Variants in CAMK2A observed in about 807,000 individuals in gnomAD.
CAMK2A encodes the protein calcium/calmodulin dependent protein kinase II alpha.
In CAMK2A, 7 loss-of-function variants were observed where a neutral mutation model predicts 79.2. The ratio of observed to expected loss-of-function variants is 0.09; its 90% CI spans 0.05 to 0.17. The LOEUF is 0.17. Ranked by LOEUF, CAMK2A falls within the 10% of genes least tolerant of loss-of-function variation. The pLI is 1.00. For synonymous variants in CAMK2A, 242 were observed against 251.7 expected (o/e 0.96, Z 0.36); for missense variants, 214 against 646.4 (o/e 0.33, Z 7.25).
intron 15 of CAMK2A, among the ~76,000 whole-genome samples, chr5:150,235,044 C>A (rs1281021869): frequency 1.3e-5 from 2 of 152,206 alleles, no homozygotes; most frequent in African/African-American, 2.4e-5. Flanking sequence ...AGATACCTCT[C>A]TGAGTACGTG....
At chr5:150,246,341 A>C (rs1315636018) in intron 12 of CAMK2A, among the ~76,000 whole-genome samples, 1 of 152,190 alleles carries the variant, frequency 6.6e-6, no homozygotes, top group African/African-American at 2.4e-5. Flanking sequence ...TAGGATGTGC[A>C]GTGGGGCAGG....
In CAMK2A at chr5:150,267,913, G is replaced by A. The variant is rs1282926845; in HGVS notation, c.158-2898C>T. ...TTTTGAGACAGAGTCTCGCTGTGTC[G>A]GCCAGACTGGAGTGCAGTGACTCGA... On this transcript the variant is annotated intron_variant, in intron 2 of 18. Coordinates refer to ENST00000671881, the MANE Select transcript of CAMK2A (RefSeq NM_015981.4). 3.4e-5 allele frequency among the ~76,000 whole-genome samples: 5 copies of A among 146,454 alleles called. No homozygotes were observed. The South Asian group carries it at 6.5e-4, about 19-fold the overall frequency.
upstream of CAMK2A, chr5:150,289,783 A>G: frequency 1.8e-6 from 1 of 561,494 alleles, no homozygotes; most frequent in East Asian, 3.0e-5. Flanking sequence ...TGAGCAGGGC[A>G]CTGTGGCTGC....
chr5:150,249,940 T>C (rs1374039919), intron 11 of CAMK2A, among the ~76,000 whole-genome samples: 2 of 152,128 alleles, frequency 1.3e-5, no homozygotes, highest in Non-Finnish European at 2.9e-5. Flanking sequence ...CAGAATACCA[T>C]TGTCCTGCTG....
At chr5:150,269,014 C>T (rs776565258) in intron 2 of CAMK2A, among the ~76,000 whole-genome samples, 2 of 151,534 alleles carry the variant, frequency 1.3e-5, no homozygotes, top group African/African-American at 2.4e-5. Flanking sequence ...GATCCTCCCA[C>T]CTCCGCCTCC....
In CAMK2A at chr5:150,282,445, G is replaced by A. The variant is rs532181689; in HGVS notation, c.62+7119C>T. ...AGGGCCAGAGCCCAGCAAGGCAAGG[G>A]ACATGCCAAGGGGTGACTTACTCCT... On this transcript the variant is annotated intron_variant, in intron 1 of 18. Coordinates refer to ENST00000671881, the MANE Select transcript of CAMK2A (RefSeq NM_015981.4). Among the ~76,000 whole-genome samples, 10 of 152,350 alleles carry A rather than the reference G, an allele frequency of 6.6e-5. No homozygotes were observed. In the South Asian group the frequency reaches 2.1e-3, roughly 32 times the overall value.
chr5:150,252,661 A>G (rs1395341230), intron 7 of CAMK2A, among the ~76,000 whole-genome samples: 1 of 152,192 alleles, frequency 6.6e-6, no homozygotes, highest in Admixed American at 6.5e-5. Flanking sequence ...AATAATGGAC[A>G]CCTGAGGTAT....
At chr5:150,287,437 G>A (rs1327492225) in intron 1 of CAMK2A, among the ~76,000 whole-genome samples, 2 of 152,190 alleles carry the variant, frequency 1.3e-5, no homozygotes, top group East Asian at 3.8e-4. Flanking sequence ...GCCTAGCTAT[G>A]CCTGCTACCC....
At position 150,245,682 on chromosome 5, in the gene CAMK2A, G is replaced by A. The variant is rs113557449; in HGVS notation, c.944-481C>T. On this transcript the variant is annotated intron_variant, in intron 12 of 18. Coordinates refer to ENST00000671881, the MANE Select transcript of CAMK2A (RefSeq NM_015981.4). ...CTCACTCCGGACAGCTGCAGGCTGC[G>A]TCTTGCCAGTGACAAGAAGCAGATG... 4.5e-3 allele frequency among the ~76,000 whole-genome samples: 688 copies of A among 152,292 alleles called. 6 individuals carry two copies. The highest frequency in any genetic ancestry group is 0.016 in the African/African-American group (660 of 41,562).
intron 17 of CAMK2A, among the ~76,000 whole-genome samples, chr5:150,227,172 G>T (rs1754641672): frequency 6.6e-6 from 1 of 152,174 alleles, no homozygotes; most frequent in South Asian, 2.1e-4. Flanking sequence ...ATGAAAGAAA[G>T]TTACATAATC....
intron 15 of CAMK2A, among the ~76,000 whole-genome samples, chr5:150,235,986 G>A (rs1319543987): frequency 2.6e-5 from 4 of 152,148 alleles, no homozygotes; most frequent in African/African-American, 7.2e-5. Context: ...TGGGGAAACT[G>A]AGGCAGGAAA....
At chr5:150,285,542 A>T (rs1757389236) in intron 1 of CAMK2A, among the ~76,000 whole-genome samples, 1 of 152,060 alleles carries the variant, frequency 6.6e-6, no homozygotes. Context: ...AGGCCCCAGG[A>T]CCTCAGTACA....
chr5:150,245,338 G>GCCGCCTCCTCCT (rs1755519711), intron 12 of CAMK2A, 137 bp from the exon 13 acceptor site: 8 of 659,196 alleles, frequency 1.2e-5, no homozygotes, highest in African/African-American at 7.8e-5. Context: ...CCTGGGGGAG[G>GCCGCCTCCTCCT]CCTCCTCCTC....
intron 7 of CAMK2A, among the ~76,000 whole-genome samples, 177 bp from the exon 8 acceptor site, chr5:150,252,242 A>G (rs944671215): frequency 1.3e-5 from 2 of 152,154 alleles, no homozygotes; most frequent in African/African-American, 4.8e-5. Context: ...CCAAGACATA[A>G]GCCTGATGAG....
chr5:150,272,433 A>G (rs958271669), intron 2 of CAMK2A, among the ~76,000 whole-genome samples: 3 of 152,170 alleles, frequency 2.0e-5, no homozygotes, highest in East Asian at 1.9e-4. Flanking sequence ...TTAGCCGGGC[A>G]TGGCGGTGGA....
chr5:150,228,137 C>G (rs979709716), intron 17 of CAMK2A, 55 bp downstream of exon 17: 27 of 1,453,450 alleles, frequency 1.9e-5, no homozygotes, highest in Admixed American at 1.3e-4. Context: ...TGCCATCCAG[C>G]AGGACATGGA....
At chr5:150,261,102 A>T (rs572228639) in intron 3 of CAMK2A, among the ~76,000 whole-genome samples, 18 of 152,180 alleles carry the variant, frequency 1.2e-4, no homozygotes, top group African/African-American at 4.3e-4. Context: ...GGTCTCAGGG[A>T]AATGGACAGA....
intron 6 of CAMK2A, among the ~76,000 whole-genome samples, chr5:150,255,871 T>A (rs924827948): frequency 6.6e-6 from 1 of 152,214 alleles, no homozygotes; most frequent in Non-Finnish European, 1.5e-5. Flanking sequence ...TTGCTTGAAC[T>A]CTTAGGCCTT....
At chr5:150,286,479 G>A (rs1330263443) in intron 1 of CAMK2A, among the ~76,000 whole-genome samples, 2 of 152,260 alleles carry the variant, frequency 1.3e-5, no homozygotes, top group Admixed American at 1.3e-4. Flanking sequence ...CAGGATGCCA[G>A]AAGCCCTCCA....
Sources: gnomAD v4.1 joint callset for allele counts (sites outside exome capture counted in the v4.1 genomes callset) on GRCh38, gnomAD v4.1.1 for gene constraint, MANE v1.5 for transcripts, NCBI Gene and HGNC (gene_info 2026-07-23, HGNC 2026-07-21) for gene names.